FRMD5: variants seen among roughly 807,000 people sequenced by gnomAD.
FRMD5 encodes the protein FERM domain containing 5.
FRMD5 carries 20 observed loss-of-function variants against 69.0 expected under a neutral mutation model. The ratio of observed to expected loss-of-function variants is 0.29; its 90% CI spans 0.20 to 0.42. The LOEUF (loss-of-function observed/expected upper bound fraction) is 0.42, where lower values mean the gene tolerates loss of function less well. Among genes scored for constraint, FRMD5 ranks in the 10% least tolerant of loss-of-function variants. FRMD5 has a pLI of 1.00. For synonymous variants in FRMD5, 271 were observed against 260.1 expected (o/e 1.04, Z -0.40); for missense variants, 595 against 708.6 (o/e 0.84, Z 1.82).
chr15:44,066,234 C>A (rs1893305736), intron 1 of FRMD5, among the ~76,000 whole-genome samples: 2 of 152,156 alleles, frequency 1.3e-5, no homozygotes. Context: ...TTCAATAAAT[C>A]AATTCAAGAA....
chr15:44,190,038 C>T (rs1265180142), intron 1 of FRMD5, among the ~76,000 whole-genome samples: 1 of 152,184 alleles, frequency 6.6e-6, no homozygotes, highest in East Asian at 1.9e-4. Context: ...GGGCAACAAC[C>T]ATCACCTGGC....
At chr15:44,136,017 C>A (rs1009861765) in intron 1 of FRMD5, among the ~76,000 whole-genome samples, 8 of 151,726 alleles carry the variant, frequency 5.3e-5, no homozygotes, top group African/African-American at 1.9e-4. Flanking sequence ...GAACATTTCC[C>A]TTTTTTTCTT....
chr15:43,974,572 C>T (rs550862045), intron 1 of FRMD5, among the ~76,000 whole-genome samples: 30 of 152,290 alleles, frequency 2.0e-4, no homozygotes, highest in African/African-American at 7.2e-4. Context: ...CTTCTGTAAG[C>T]TTTTCTAAGA....
intron 1 of FRMD5, among the ~76,000 whole-genome samples, chr15:43,981,559 G>C (rs910328591): frequency 6.6e-6 from 1 of 152,012 alleles, no homozygotes; most frequent in Non-Finnish European, 1.5e-5. Flanking sequence ...TGTAATTTTT[G>C]ATTTTTTTGC....
intron 13 of FRMD5, chr15:43,879,965 G>A (rs1567205857): frequency 4.3e-6 from 1 of 233,496 alleles, no homozygotes; most frequent in Admixed American, 5.7e-5. Context: ...AAAAAGTAAT[G>A]CTTCCTTGGC....
intron 6 of FRMD5, among the ~76,000 whole-genome samples, chr15:43,904,955 G>T (rs750537167): frequency 1.3e-5 from 2 of 151,516 alleles, no homozygotes; most frequent in East Asian, 1.9e-4. Flanking sequence ...GGTAGGGTAT[G>T]GGGGGGGCCT....
At chr15:43,962,310 T>C (rs2090215446) in intron 1 of FRMD5, among the ~76,000 whole-genome samples, 1 of 152,120 alleles carries the variant, frequency 6.6e-6, no homozygotes, top group African/African-American at 2.4e-5. Flanking sequence ...TCACAATTGC[T>C]TCAAAGAGAA....
At chr15:44,127,241 C>G (rs1444667481) in intron 1 of FRMD5, among the ~76,000 whole-genome samples, 2 of 152,176 alleles carry the variant, frequency 1.3e-5, no homozygotes, top group Non-Finnish European at 2.9e-5. Context: ...TACAGACATT[C>G]ACCACCACAC....
At chr15:43,953,444 C>G (rs564570440) in intron 1 of FRMD5, among the ~76,000 whole-genome samples, 1 of 152,242 alleles carries the variant, frequency 6.6e-6, no homozygotes, top group African/African-American at 2.4e-5. Flanking sequence ...TACTCCACAA[C>G]CAAAAGAAAA....
chr15:43,998,782 T>A (rs1595604985), intron 1 of FRMD5, among the ~76,000 whole-genome samples: 1 of 152,272 alleles, frequency 6.6e-6, no homozygotes, highest in Non-Finnish European at 1.5e-5. Context: ...TGATTTCACA[T>A]CAGGAAGTTC....
At chr15:44,105,549 C>T (rs1033803521) in intron 1 of FRMD5, among the ~76,000 whole-genome samples, 1 of 152,100 alleles carries the variant, frequency 6.6e-6, no homozygotes, top group South Asian at 2.1e-4. Flanking sequence ...TTGTAGGAAA[C>T]CATCAGTTAG....
At chr15:44,087,268 G>T (rs183392155) in intron 1 of FRMD5, among the ~76,000 whole-genome samples, 8 of 152,140 alleles carry the variant, frequency 5.3e-5, no homozygotes, top group South Asian at 2.1e-4. Context: ...AATCCACCCC[G>T]CCACAGCCTC....
At chr15:43,990,844 T>C (rs1266288903) in intron 1 of FRMD5, among the ~76,000 whole-genome samples, 1 of 152,254 alleles carries the variant, frequency 6.6e-6, no homozygotes, top group Non-Finnish European at 1.5e-5. Flanking sequence ...AATTTAACTA[T>C]GGCTGATCTT....
chr15:43,884,158 T>G (rs1024971500), intron 12 of FRMD5, among the ~76,000 whole-genome samples: 1 of 152,162 alleles, frequency 6.6e-6, no homozygotes, highest in African/African-American at 2.4e-5. Flanking sequence ...CAGCCTCCCC[T>G]GACTTCCAAT....
chr15:43,982,777 T>C (rs8035946), intron 1 of FRMD5, among the ~76,000 whole-genome samples: 4,216 of 152,282 alleles, frequency 0.028, 165 homozygotes, highest in East Asian at 0.092. Context: ...TTACCTAAAA[T>C]AGACCTCTGA....
At chr15:43,966,997 T>C (rs923066224) in intron 1 of FRMD5, among the ~76,000 whole-genome samples, 1 of 152,064 alleles carries the variant, frequency 6.6e-6, no homozygotes, top group African/African-American at 2.4e-5. Context: ...AAGGAAGATA[T>C]TTCAGTTTCA....
chr15:44,167,690 A>T (rs548414070), intron 1 of FRMD5, among the ~76,000 whole-genome samples: 1 of 152,244 alleles, frequency 6.6e-6, no homozygotes, highest in South Asian at 2.1e-4. Flanking sequence ...CCCAGGTTGA[A>T]GTGATTCTCC....
chr15:44,006,283 T>G (rs1890442418), intron 1 of FRMD5, among the ~76,000 whole-genome samples: 1 of 152,180 alleles, frequency 6.6e-6, no homozygotes, highest in East Asian at 1.9e-4. Flanking sequence ...CAGAATATTT[T>G]CAGTTCATTG....
chr15:44,031,174 T>C (rs1056747481), intron 1 of FRMD5, among the ~76,000 whole-genome samples: 4 of 151,894 alleles, frequency 2.6e-5, no homozygotes, highest in African/African-American at 9.7e-5. Context: ...ATAATTAGAA[T>C]AGTGGTGTAG....
Sources: gnomAD v4.1 joint callset for allele counts (sites outside exome capture counted in the v4.1 genomes callset) on GRCh38, gnomAD v4.1.1 for gene constraint, MANE v1.5 for transcripts, NCBI Gene and HGNC (gene_info 2026-07-23, HGNC 2026-07-21) for gene names.